Variants in PCSK5 observed in about 807,000 individuals in gnomAD.
The protein encoded by PCSK5 is prohormone convertase 5.
Under a neutral mutation model 233.2 loss-of-function variants are expected in PCSK5, and 129 were observed. The observed-to-expected ratio is 0.55, with a 90% CI of 0.48 to 0.64. The LOEUF is 0.64. Among genes scored for constraint, PCSK5 ranks in the 30% least tolerant of loss-of-function variants. PCSK5 has a pLI of 0.00. For missense variants in PCSK5, 2,076 were observed against 2,430.1 expected (o/e 0.85, Z 3.06); for synonymous variants, 825 against 879.2 (o/e 0.94, Z 1.09).
chr9:76,233,753 T>C (rs755344562), intron 22 of PCSK5, among the ~76,000 whole-genome samples, 157 bp downstream of exon 22: 1 of 152,128 alleles, frequency 6.6e-6, no homozygotes, highest in African/African-American at 2.4e-5. Context: ...ACTTTCTGCT[T>C]GCTGTCAGTA....
intron 36 of PCSK5, among the ~76,000 whole-genome samples, chr9:76,352,127 G>A (rs1197134822): frequency 6.6e-6 from 1 of 152,190 alleles, no homozygotes; most frequent in Non-Finnish European, 1.5e-5. Context: ...CAGCTGTGAG[G>A]GCTGCTGCTT....
intron 8 of PCSK5, among the ~76,000 whole-genome samples, chr9:76,103,745 C>T (rs868295147): frequency 1.7e-4 from 26 of 152,270 alleles, no homozygotes; most frequent in Middle Eastern, 3.4e-3. Context: ...TTTGATCTGG[C>T]TCAGGGCCTG....
chr9:76,146,252 A>T (rs1353301811), intron 10 of PCSK5, among the ~76,000 whole-genome samples: 1 of 152,140 alleles, frequency 6.6e-6, no homozygotes, highest in Non-Finnish European at 1.5e-5. Flanking sequence ...TCACTGCTGG[A>T]TGTTAACAAA....
At chr9:76,144,329 T>C (rs868639432) in intron 10 of PCSK5, among the ~76,000 whole-genome samples, 1 of 152,242 alleles carries the variant, frequency 6.6e-6, no homozygotes, top group Non-Finnish European at 1.5e-5. Flanking sequence ...GTAGAAGATA[T>C]GTATCCAGCT....
At chr9:76,085,478 T>C (rs974271485) in intron 7 of PCSK5, among the ~76,000 whole-genome samples, 14 of 152,218 alleles carry the variant, frequency 9.2e-5, no homozygotes, top group African/African-American at 3.4e-4. Context: ...ATTGCACATA[T>C]GAAGTATGCA....
In PCSK5 at chr9:75,968,849, G is replaced by A. The variant is rs994364506; in HGVS notation, c.298-17283G>A. Among the ~76,000 whole-genome samples, 8 of 152,292 alleles carry A rather than the reference G, an allele frequency of 5.3e-5. 1 individual carries two copies. Among genetic ancestry groups the A allele is most frequent in the Middle Eastern group, 3.4e-3 (1 of 294 alleles). On this transcript the variant is annotated intron_variant, in intron 2 of 37. Transcript: ENST00000674117. Reference sequence around the variant, plus strand: ...ATTTGATAAGGTGTGTGAAAACTTCGTGTGACCTTCTTTATTATAGACTTG... The same window carrying A: ...ATTTGATAAGGTGTGTGAAAACTTCATGTGACCTTCTTTATTATAGACTTG...
At chr9:76,003,907 C>T (rs934795095) in intron 3 of PCSK5, among the ~76,000 whole-genome samples, 6 of 152,128 alleles carry the variant, frequency 3.9e-5, no homozygotes, top group African/African-American at 1.4e-4. Context: ...CTCCTGGGCT[C>T]AGGCAGTCCT....
intron 10 of PCSK5, among the ~76,000 whole-genome samples, chr9:76,155,859 AAG>A (rs1822552798): frequency 6.6e-6 from 1 of 152,172 alleles, no homozygotes; most frequent in African/African-American, 2.4e-5. Flanking sequence ...GAGAGAAAGA[AAG>A]AGGGGTTGTC....
intron 2 of PCSK5, among the ~76,000 whole-genome samples, chr9:75,960,437 G>A (rs1825299180): frequency 1.3e-5 from 2 of 152,030 alleles, no homozygotes; most frequent in South Asian, 2.1e-4. Flanking sequence ...TAGGGGCTGG[G>A]GAAGAAGCAA....
intron 1 of PCSK5, among the ~76,000 whole-genome samples, chr9:75,900,891 AG>A (rs1263071312): frequency 6.6e-6 from 1 of 152,022 alleles, no homozygotes; most frequent in Non-Finnish European, 1.5e-5. Flanking sequence ...TTGAGAGGGC[AG>A]TGCCTCATTC....
chr9:76,159,067 G>A lies in PCSK5; in HGVS notation c.1515G>A (p.Leu505=), dbSNP rs1182382825. The A allele has an allele frequency of 1.2e-5, 19 of 1,613,970 alleles. No individual in the cohort carries two copies. Among genetic ancestry groups the A allele is most frequent in the Non-Finnish European group, 1.6e-5 (19 of 1,179,994 alleles). The change falls in exon 12 of 38, where the codon CTG becomes CTA. Residue 505 remains leucine (L), a synonymous_variant. Coordinates refer to ENST00000674117, the MANE Select transcript of PCSK5 (RefSeq NM_001372043.1). ...SDNPNRHVNY[L]EHVVVRITIT... The stretch of plus-strand genomic sequence containing the variant: ...ACCCCAACCGCCATGTCAACTACCT[G>A]GAGCACGTCGTTGTGCGCATCACCA...
chr9:75,978,312 C>G (rs919904949), intron 2 of PCSK5, among the ~76,000 whole-genome samples: 1 of 152,192 alleles, frequency 6.6e-6, no homozygotes, highest in Non-Finnish European at 1.5e-5. Context: ...TTGCCCCAAG[C>G]CAGCCGTGGA....
intron 2 of PCSK5, among the ~76,000 whole-genome samples, chr9:75,944,392 C>A (rs1314365934): frequency 6.6e-6 from 1 of 151,914 alleles, no homozygotes; most frequent in African/African-American, 2.4e-5. Flanking sequence ...TTCCACAGTG[C>A]CTGATTTTTA....
At chr9:76,351,023 A>C (rs1830109493) in intron 36 of PCSK5, 95 bp downstream of exon 36, 1 of 684,308 alleles carries the variant, frequency 1.5e-6, no homozygotes, top group Non-Finnish European at 2.6e-6. Context: ...AAAATGTCCC[A>C]AAATTCTCAT....
At chr9:76,085,248 T>A (rs921133302) in intron 7 of PCSK5, among the ~76,000 whole-genome samples, 3 of 152,212 alleles carry the variant, frequency 2.0e-5, no homozygotes, top group African/African-American at 7.2e-5. Context: ...GAATTGATCA[T>A]CCAGGCAACT....
intron 1 of PCSK5, among the ~76,000 whole-genome samples, chr9:75,911,782 C>G (rs1822750462): frequency 6.6e-6 from 1 of 152,070 alleles, no homozygotes; most frequent in Non-Finnish European, 1.5e-5. Flanking sequence ...ATTCAGCAGG[C>G]TAGGTATCTT....
intron 24 of PCSK5, among the ~76,000 whole-genome samples, chr9:76,247,184 T>A (rs1035218743): frequency 2.0e-5 from 3 of 152,198 alleles, no homozygotes; most frequent in Non-Finnish European, 4.4e-5. Context: ...ACACCCTGCC[T>A]GATCTGGAGG....
At chr9:76,244,259 T>C (rs11144808) in intron 24 of PCSK5, among the ~76,000 whole-genome samples, 61,752 of 151,980 alleles carry the variant, frequency 0.41, 12,851 homozygotes, top group Middle Eastern at 0.45. Flanking sequence ...AAAAAATGAT[T>C]TTTCATGAAC....
intron 1 of PCSK5, among the ~76,000 whole-genome samples, chr9:75,925,026 C>T (rs1223762551): frequency 2.6e-5 from 4 of 152,126 alleles, no homozygotes; most frequent in Non-Finnish European, 4.4e-5. Context: ...TAAATATTAG[C>T]AGTTCATCAG....
Sources: gnomAD v4.1 joint callset for allele counts (sites outside exome capture counted in the v4.1 genomes callset) on GRCh38, gnomAD v4.1.1 for gene constraint, MANE v1.5 for transcripts, NCBI Gene and HGNC (gene_info 2026-07-23, HGNC 2026-07-21) for gene names.